The following CCDC149 variants were observed in gnomAD, a reference collection of about 807,000 sequenced individuals.
CCDC149 encodes coiled-coil domain containing 149, also known as coiled-coil domain-containing protein 149.
Under a neutral mutation model 59.9 loss-of-function variants are expected in CCDC149, and 45 were observed. That is an observed-to-expected ratio of 0.75 (90% confidence interval 0.59 to 0.96). The LOEUF (loss-of-function observed/expected upper bound fraction) is 0.96. Ranked by LOEUF, CCDC149 falls within the 40% of genes least tolerant of loss-of-function variation. The probability of loss-of-function intolerance (pLI) is 0.00; values close to 1 mark genes in which losing one functional copy is unlikely to be tolerated. For missense variants in CCDC149, 584 were observed against 664.7 expected (o/e 0.88, Z 1.33); for synonymous variants, 245 against 260.6 (o/e 0.94, Z 0.58).
chr4:24,945,388 T>C (rs367952437), intron 1 of CCDC149, among the ~76,000 whole-genome samples: 9 of 152,254 alleles, frequency 5.9e-5, no homozygotes, highest in African/African-American at 1.9e-4. Flanking sequence ...GTGCCATGTA[T>C]GTGGTAACAG....
intron 9 of CCDC149, among the ~76,000 whole-genome samples, chr4:24,823,666 G>A (rs1715548760): frequency 6.6e-6 from 1 of 152,100 alleles, no homozygotes; most frequent in Non-Finnish European, 1.5e-5. Flanking sequence ...GCATGAATAT[G>A]TATATTTCTA....
In CCDC149 at chr4:24,808,463, C is replaced by T. The variant is rs752279786; in HGVS notation, c.1549G>A (p.Ala517Thr). The change falls in exon 13 of 13, where the codon GCC becomes ACC. Residue 517 changes from alanine to threonine, a missense_variant. Coordinates refer to ENST00000635206, the MANE Select transcript of CCDC149 (RefSeq NM_001330643.2). Reference sequence around the variant, plus strand: ...CCGTCTTCCGGTGTGGAAGCTTTGGCTGCTGGCCGGCTGGCCTCGAAGGAG... The same window carrying T: ...CCGTCTTCCGGTGTGGAAGCTTTGGTTGCTGGCCGGCTGGCCTCGAAGGAG... 8.2e-6 allele frequency: 12 copies of T among 1,468,580 alleles called. No homozygotes were observed. Among genetic ancestry groups the T allele is most frequent in the South Asian group, 1.5e-5 (1 of 68,786 alleles). The allele number at this position is 1,468,580 out of a possible 1,614,324, so 91.0% of individuals were successfully genotyped here. A position where few individuals can be genotyped will look rare whatever the true frequency, so the allele number is the denominator to read the frequency against.
intron 1 of CCDC149, among the ~76,000 whole-genome samples, chr4:24,898,951 T>C (rs1488202670): frequency 6.6e-6 from 1 of 151,920 alleles, no homozygotes; most frequent in Non-Finnish European, 1.5e-5. Flanking sequence ...GTTACAGGAG[T>C]TACCAGAGGT....
chr4:24,894,853 T>C lies in CCDC149; in HGVS notation c.63+17964A>G, dbSNP rs1577460660. 1.2e-5 allele frequency: 13 copies of C among 1,073,784 alleles called. No individual in the cohort carries two copies. In the East Asian group the frequency reaches 2.1e-4, roughly 17 times the overall value. The allele number at this position is 1,073,784 out of a possible 1,614,324, so 66.5% of individuals were successfully genotyped here. ...TGAAGAAAAAAAATCTCAAAGTCGCTGACACCCCTGCAGCCTGTGCTAGAA... is the reference window on the plus strand; with the variant it reads ...TGAAGAAAAAAAATCTCAAAGTCGCCGACACCCCTGCAGCCTGTGCTAGAA... On this transcript the variant is annotated intron_variant, in intron 1 of 12. Transcript: ENST00000635206.
At chr4:24,891,787 C>T (rs1357689581) in intron 1 of CCDC149, among the ~76,000 whole-genome samples, 6 of 152,206 alleles carry the variant, frequency 3.9e-5, no homozygotes, top group African/African-American at 1.4e-4. Context: ...TTGCTTGAGC[C>T]CAGGAGTTTG....
At chr4:24,927,268 C>T (rs920929900) in intron 1 of CCDC149, among the ~76,000 whole-genome samples, 6 of 152,212 alleles carry the variant, frequency 3.9e-5, no homozygotes, top group African/African-American at 1.4e-4. Context: ...GACCCCTGTT[C>T]TTTCACTATA....
intron 1 of CCDC149, among the ~76,000 whole-genome samples, chr4:24,903,040 A>AAAG (rs1553859001): frequency 2.6e-5 from 4 of 151,156 alleles, no homozygotes; most frequent in Non-Finnish European, 5.9e-5. Context: ...AAAAAAAAAA[A>AAAG]AAAAAAAGAG....
intron 12 of CCDC149, among the ~76,000 whole-genome samples, chr4:24,812,209 G>A (rs1560196832): frequency 6.6e-6 from 1 of 152,156 alleles, no homozygotes; most frequent in African/African-American, 2.4e-5. Flanking sequence ...CAGGTTTCAG[G>A]GAATTGGACC....
chr4:24,895,474 T>C (rs150265386), intron 1 of CCDC149, among the ~76,000 whole-genome samples: 3 of 152,366 alleles, frequency 2.0e-5, no homozygotes, highest in East Asian at 3.9e-4. Context: ...TTTTTTCTTT[T>C]ATATGTATCT....
At chr4:24,887,343 T>C (rs916344608) in intron 1 of CCDC149, among the ~76,000 whole-genome samples, 2 of 152,058 alleles carry the variant, frequency 1.3e-5, no homozygotes, top group Admixed American at 1.3e-4. Flanking sequence ...TCCTTCGCGA[T>C]TTTTACTAAT....
intron 4 of CCDC149, among the ~76,000 whole-genome samples, chr4:24,849,623 G>A (rs1577407999): frequency 6.6e-6 from 1 of 152,292 alleles, no homozygotes; most frequent in East Asian, 1.9e-4. Flanking sequence ...TGGCCCATAG[G>A]GTTACAAGGC....
chr4:24,815,282 G>A (rs909933997), intron 12 of CCDC149, among the ~76,000 whole-genome samples: 2 of 152,156 alleles, frequency 1.3e-5, no homozygotes, highest in African/African-American at 4.8e-5. Flanking sequence ...GAAAGATAAA[G>A]ATTTCTGACT....
intron 1 of CCDC149, among the ~76,000 whole-genome samples, chr4:24,922,756 G>A (rs1207500424): frequency 4.6e-5 from 7 of 152,050 alleles, no homozygotes; most frequent in South Asian, 2.1e-4. Flanking sequence ...CTTTTCTCTC[G>A]CTGGGGGCTT....
chr4:24,840,620 T>C (rs1716875820), intron 4 of CCDC149, among the ~76,000 whole-genome samples: 1 of 152,116 alleles, frequency 6.6e-6, no homozygotes, highest in South Asian at 2.1e-4. Context: ...GTCACATTTT[T>C]GTGCTTTTCA....
intron 1 of CCDC149, among the ~76,000 whole-genome samples, chr4:24,885,625 G>A (rs1440011829): frequency 6.6e-6 from 1 of 152,182 alleles, no homozygotes; most frequent in Non-Finnish European, 1.5e-5. Flanking sequence ...GGGCCAAGTT[G>A]AGCAAGGAAA....
chr4:24,837,935 A>T lies in CCDC149; in HGVS notation c.489+221T>A, dbSNP rs1481440840. On this transcript the variant is annotated intron_variant, in intron 5 of 12. Transcript: ENST00000635206. This position sits in a 1 kb window ranked among gnomAD's most constrained non-coding sequence, Gnocchi z 4.3. ...AGGAGGAACGTTTCTTGTTGTGTTC[A>T]GAACAATGGTACCCAATAGCAGGGA... Among the ~76,000 whole-genome samples, 1 of 152,214 alleles carries T rather than the reference A, an allele frequency of 6.6e-6. No individual in the cohort carries two copies. The highest frequency in any genetic ancestry group is 1.5e-5 in the Non-Finnish European group (1 of 68,024).
chr4:24,907,918 T>C (rs1721631596), intron 1 of CCDC149, among the ~76,000 whole-genome samples: 1 of 152,212 alleles, frequency 6.6e-6, no homozygotes, highest in Non-Finnish European at 1.5e-5. Flanking sequence ...GGCTTGTAGC[T>C]GCATGACTCC....
rs763130992 is a variant in CCDC149 at position 24,912,927 on chromosome 4, G to T, written c.-48C>A. The T allele has an allele frequency of 6.0e-6, 7 of 1,160,942 alleles. No homozygotes were observed. Among genetic ancestry groups the T allele is most frequent in the Non-Finnish European group, 6.6e-6 (6 of 903,798 alleles). The allele number at this position is 1,160,942 out of a possible 1,614,324, so 71.9% of individuals were successfully genotyped here. A position where few individuals can be genotyped will look rare whatever the true frequency, so the allele number is the denominator to read the frequency against. On this transcript the variant is annotated 5_prime_UTR_variant, in exon 1 of 13. Transcript: ENST00000635206. ...CCCGCCGCCTCCTCCTCCTCGCGAC[G>T]TCGCGTCGCCGCCGCCGCCCGGGCC...
chr4:24,848,542 C>G (rs1717459066), intron 4 of CCDC149, among the ~76,000 whole-genome samples: 1 of 151,770 alleles, frequency 6.6e-6, no homozygotes. Flanking sequence ...GTGCTCCAGC[C>G]TGGTGACAGA....
Sources: gnomAD v4.1 joint callset for allele counts (sites outside exome capture counted in the v4.1 genomes callset) on GRCh38, gnomAD v4.1.1 for gene constraint, Gnocchi (gnomAD v3.1) non-coding constraint, MANE v1.5 for transcripts, NCBI Gene and HGNC (gene_info 2026-07-23, HGNC 2026-07-21) for gene names.